The following HEMK2 variants were observed in gnomAD, a reference collection of about 807,000 sequenced individuals.
HEMK2 encodes the protein methyltransferase HEMK2.
the HEMK2 span, among the ~76,000 whole-genome samples, chr21:28,831,608 AAAG>A: frequency 1.1e-5 from 1 of 91,362 alleles, no homozygotes; most frequent in Non-Finnish European, 2.0e-5. Flanking sequence ...GGAAAGAAGG[AAAG>A]AAGGAAAGAA....
At chr21:28,790,878 T>C in the HEMK2 span, among the ~76,000 whole-genome samples, 13 of 150,520 alleles carry the variant, frequency 8.6e-5, no homozygotes, top group South Asian at 2.1e-3. Flanking sequence ...ATATACCTAA[T>C]GCTAAATGAC....
the HEMK2 span, among the ~76,000 whole-genome samples, chr21:28,634,319 C>A: frequency 6.6e-6 from 1 of 152,144 alleles, no homozygotes; most frequent in Non-Finnish European, 1.5e-5. Flanking sequence ...CAGGGATGCT[C>A]TCCTCCTTTG....
At chr21:28,662,764 T>C in the HEMK2 span, among the ~76,000 whole-genome samples, 5 of 152,180 alleles carry the variant, frequency 3.3e-5, no homozygotes, top group African/African-American at 1.2e-4. Context: ...CCTTCCACCA[T>C]GACTGTAAGT....
At chr21:28,756,442 A>G in the HEMK2 span, among the ~76,000 whole-genome samples, 1 of 152,134 alleles carries the variant, frequency 6.6e-6, no homozygotes, top group African/African-American at 2.4e-5. Context: ...GTAGAAAATG[A>G]TCTCAGGAAA....
chr21:28,879,768 T>C, the HEMK2 span: 18 of 845,040 alleles, frequency 2.1e-5, no homozygotes, highest in Non-Finnish European at 2.8e-5. Flanking sequence ...CAGAGTAGTC[T>C]GTGATAGCAG....
the HEMK2 span, among the ~76,000 whole-genome samples, chr21:28,701,142 C>T: frequency 6.6e-6 from 1 of 152,136 alleles, no homozygotes; most frequent in Non-Finnish European, 1.5e-5. Flanking sequence ...AAGGAACATA[C>T]TTCAAAATAG....
the HEMK2 span, among the ~76,000 whole-genome samples, chr21:28,771,518 A>ACCCCGCCCC: frequency 1.5e-4 from 16 of 105,588 alleles, no homozygotes; most frequent in South Asian, 1.6e-3. Context: ...AAGATGCACC[A>ACCCCGCCCC]CCCCCCCCCG....
the HEMK2 span, among the ~76,000 whole-genome samples, chr21:28,814,997 T>C: frequency 6.6e-6 from 1 of 152,052 alleles, no homozygotes; most frequent in Non-Finnish European, 1.5e-5. Context: ...CCAACAATGA[T>C]AGACTGGATT....
At chr21:28,839,742 C>T in the HEMK2 span, among the ~76,000 whole-genome samples, 19 of 152,232 alleles carry the variant, frequency 1.2e-4, no homozygotes, top group East Asian at 2.3e-3. Context: ...GGAAACATAT[C>T]CCATGCTCAT....
chr21:28,644,095 C>T, the HEMK2 span, among the ~76,000 whole-genome samples: 1 of 152,166 alleles, frequency 6.6e-6, no homozygotes, highest in East Asian at 1.9e-4. Context: ...TAAGGAAATA[C>T]CCAAGACTGG....
the HEMK2 span, among the ~76,000 whole-genome samples, chr21:28,765,133 T>C: frequency 6.6e-6 from 1 of 152,070 alleles, no homozygotes; most frequent in Non-Finnish European, 1.5e-5. Flanking sequence ...GTGGGTATGT[T>C]GAGAAGAAAG....
At chr21:28,599,555 TG>T in the HEMK2 span, among the ~76,000 whole-genome samples, 1 of 152,162 alleles carries the variant, frequency 6.6e-6, no homozygotes, top group African/African-American at 2.4e-5. Flanking sequence ...AAATGACATT[TG>T]GGTGGGGACT....
chr21:28,806,563 G>A, the HEMK2 span, among the ~76,000 whole-genome samples: 2 of 152,130 alleles, frequency 1.3e-5, no homozygotes, highest in African/African-American at 4.8e-5. Context: ...TATGACTGGT[G>A]GACTTGTAAA....
the HEMK2 span, among the ~76,000 whole-genome samples, chr21:28,788,570 C>T: frequency 1.3e-5 from 2 of 152,078 alleles, no homozygotes; most frequent in East Asian, 1.9e-4. Flanking sequence ...AAATATGGTG[C>T]AGCGTATAAC....
At chr21:28,584,196 G>C in the HEMK2 span, among the ~76,000 whole-genome samples, 1 of 152,142 alleles carries the variant, frequency 6.6e-6, no homozygotes, top group African/African-American at 2.4e-5. Context: ...ACCCTCGTAA[G>C]AATAAACTCA....
the HEMK2 span, among the ~76,000 whole-genome samples, chr21:28,834,870 GCTTTCC>G: frequency 1.3e-5 from 2 of 152,024 alleles, no homozygotes; most frequent in African/African-American, 4.8e-5. Flanking sequence ...GTAACTGCTG[GCTTTCC>G]CCTACTTCCT....
the HEMK2 span, among the ~76,000 whole-genome samples, chr21:28,698,859 T>C: frequency 3.9e-5 from 6 of 152,216 alleles, no homozygotes; most frequent in East Asian, 3.8e-4. Context: ...AGATCAATTA[T>C]GTTTTTAAAA....
chr21:28,750,700 CAA>C, the HEMK2 span, among the ~76,000 whole-genome samples: 73 of 80,348 alleles, frequency 9.1e-4, no homozygotes, highest in South Asian at 3.7e-3. Flanking sequence ...GGCTCCATCT[CAA>C]AAAAAAAAAA....
the HEMK2 span, chr21:28,878,322 G>A: frequency 7.1e-5 from 115 of 1,613,170 alleles, no homozygotes; most frequent in South Asian, 9.7e-4. Context: ...CCTCTATTCC[G>A]TGACTTCCTA....
Sources: allele counts gnomAD v4.1 joint callset (sites outside exome capture counted in the v4.1 genomes callset), GRCh38; gene constraint gnomAD v4.1.1; transcripts MANE v1.5; gene names NCBI Gene and HGNC (gene_info 2026-07-23, HGNC 2026-07-21).